Variants in TTC29 observed in about 807,000 individuals in gnomAD.
TTC29 encodes the protein tetratricopeptide repeat protein 29.
In TTC29, 49 loss-of-function variants were observed where a neutral mutation model predicts 58.1. That is an observed-to-expected ratio of 0.84 (90% CI 0.67 to 1.07). The LOEUF is 1.07. TTC29 is among the 50% of genes least tolerant of loss of function. TTC29 has a pLI of 0.00. For missense variants in TTC29, 582 were observed against 555.6 expected, an observed-to-expected ratio of 1.05 and a Z score of -0.48; for synonymous variants, 209 against 196.8, an observed-to-expected ratio of 1.06 and a Z score of -0.52.
At chr4:146,848,811 C>T (rs1259869464) in intron 8 of TTC29, among the ~76,000 whole-genome samples, 1 of 152,194 alleles carries the variant, frequency 6.6e-6, no homozygotes, top group East Asian at 1.9e-4. Flanking sequence ...GTACCTGTCC[C>T]CAGGACTGCT....
chr4:146,758,118 T>C (rs917695487), intron 11 of TTC29, among the ~76,000 whole-genome samples: 1 of 152,002 alleles, frequency 6.6e-6, no homozygotes, highest in Non-Finnish European at 1.5e-5. Flanking sequence ...ACATATGGAC[T>C]CACATAAACT....
At chr4:146,817,852 C>T (rs1281967012) in intron 10 of TTC29, among the ~76,000 whole-genome samples, 2 of 152,174 alleles carry the variant, frequency 1.3e-5, no homozygotes, top group Admixed American at 1.3e-4. Context: ...CTATTTAATA[C>T]ATGATGCTGG....
chr4:146,836,137 G>A (rs1728494203), intron 8 of TTC29, among the ~76,000 whole-genome samples: 2 of 152,126 alleles, frequency 1.3e-5, no homozygotes, highest in East Asian at 1.9e-4. Context: ...TGGTTGTAAT[G>A]CTGTGAGATA....
intron 7 of TTC29, among the ~76,000 whole-genome samples, chr4:146,873,239 A>G (rs1731050172): frequency 6.6e-6 from 1 of 152,170 alleles, no homozygotes; most frequent in African/African-American, 2.4e-5. Flanking sequence ...AGTAGGAGAC[A>G]AGAGTAAAGG....
At chr4:146,878,760 G>A (rs1731434649) in intron 6 of TTC29, among the ~76,000 whole-genome samples, 1 of 152,104 alleles carries the variant, frequency 6.6e-6, no homozygotes, top group Non-Finnish European at 1.5e-5. Flanking sequence ...GGCCATCATA[G>A]GTCACCTCTA....
intron 11 of TTC29, among the ~76,000 whole-genome samples, chr4:146,750,612 C>T (rs1216436173): frequency 6.6e-6 from 1 of 152,068 alleles, no homozygotes; most frequent in East Asian, 1.9e-4. Context: ...GGGTATAAGT[C>T]TAGAGGTTTT....
At chr4:146,710,016 T>C (rs971248019) in intron 11 of TTC29, among the ~76,000 whole-genome samples, 2 of 152,164 alleles carry the variant, frequency 1.3e-5, no homozygotes, top group Non-Finnish European at 2.9e-5. Context: ...TTCCTCTCTA[T>C]TAGATCTTCC....
intron 8 of TTC29, among the ~76,000 whole-genome samples, chr4:146,865,131 A>G (rs995142493): frequency 6.6e-6 from 1 of 152,182 alleles, no homozygotes; most frequent in Non-Finnish European, 1.5e-5. Context: ...AACAGCTTCA[A>G]GTAAAGTAGT....
chr4:146,854,931 G>A (rs1729742319), intron 8 of TTC29, among the ~76,000 whole-genome samples: 1 of 152,130 alleles, frequency 6.6e-6, no homozygotes, highest in African/African-American at 2.4e-5. Flanking sequence ...ATGCCATTTT[G>A]TGGATTAGTT....
chr4:146,713,594 G>T (rs1172556889), intron 11 of TTC29, among the ~76,000 whole-genome samples: 1 of 152,062 alleles, frequency 6.6e-6, no homozygotes, highest in Non-Finnish European at 1.5e-5. Flanking sequence ...TTCAAGTTTG[G>T]ATAGACTCTC....
At chr4:146,938,122 A>G (rs1458483889) in intron 3 of TTC29, among the ~76,000 whole-genome samples, 1 of 152,166 alleles carries the variant, frequency 6.6e-6, no homozygotes, top group African/African-American at 2.4e-5. Flanking sequence ...ATGTTCTTTG[A>G]ATAGTTTTTT....
rs548185650 is a variant in TTC29, at chr4:146,768,034, A to C, written c.1330+35423T>G. 3.3e-5 allele frequency among the ~76,000 whole-genome samples: 5 copies of C among 152,130 alleles called. No individual in the cohort carries two copies. In the East Asian group the frequency reaches 9.6e-4, roughly 29 times the overall value. ...AGCTGCAATTCCTACACCAATTTTC[A>C]TTTTCTTTCCAGTTTATATCAATAG... On this transcript the variant is annotated intron_variant, in intron 11 of 12. Coordinates refer to ENST00000325106, the MANE Select transcript of TTC29 (RefSeq NM_031956.4).
chr4:146,945,382 C>A (rs1014335364), intron 1 of TTC29: 4 of 152,200 alleles, frequency 2.6e-5, no homozygotes. Flanking sequence ...ATACAGTTAT[C>A]TTTGCCAAAA....
rs1010698830 is a variant in TTC29, at chr4:146,707,258, A to T, written c.1398-70T>A. 4 of 1,121,030 alleles carry T rather than the reference A, an allele frequency of 3.6e-6. No homozygotes were observed. The African/African-American group carries it at 6.4e-5, about 18-fold the overall frequency. 69.4% of individuals were successfully genotyped at this position (1,121,030 alleles called of 1,614,324 possible). ...AAAGCAAAGAACATTTGTTTTGAAA[A>T]ATAATTTGTTTTCTGTAATTTTCAG... On this transcript the variant is annotated intron_variant, in intron 12 of 12. Transcript: ENST00000325106.
At chr4:146,791,378 T>G (rs1312129219) in intron 11 of TTC29, among the ~76,000 whole-genome samples, 1 of 152,204 alleles carries the variant, frequency 6.6e-6, no homozygotes, top group Admixed American at 6.5e-5. Flanking sequence ...TCATTACATC[T>G]GTTATGGTGA....
At chr4:146,804,243 C>T (rs189095542) in intron 10 of TTC29, among the ~76,000 whole-genome samples, 22 of 152,252 alleles carry the variant, frequency 1.4e-4, no homozygotes, top group African/African-American at 5.3e-4. Context: ...CCATGGTCTT[C>T]GCAACCCACA....
At chr4:146,757,553 A>G (rs1746546740) in intron 11 of TTC29, among the ~76,000 whole-genome samples, 1 of 152,218 alleles carries the variant, frequency 6.6e-6, no homozygotes, top group African/African-American at 2.4e-5. Context: ...AAGAATCTTA[A>G]GAGCTGTGAG....
intron 4 of TTC29, among the ~76,000 whole-genome samples, chr4:146,926,321 C>G (rs1363288785): frequency 6.6e-6 from 1 of 152,078 alleles, no homozygotes; most frequent in Admixed American, 6.6e-5. Context: ...TTCCTTTTTG[C>G]CCAGTCTACC....
At chr4:146,932,991 G>A (rs574635662) in intron 4 of TTC29, among the ~76,000 whole-genome samples, 32 of 151,828 alleles carry the variant, frequency 2.1e-4, no homozygotes, top group African/African-American at 7.3e-4. Context: ...CTGGGAAGCA[G>A]AGCTTGCAGT....
Sources: allele counts gnomAD v4.1 joint callset (sites outside exome capture counted in the v4.1 genomes callset), GRCh38; gene constraint gnomAD v4.1.1; transcripts MANE v1.5; gene names NCBI Gene and HGNC (gene_info 2026-07-23, HGNC 2026-07-21).